The following CCDC73 variants were observed in gnomAD, a reference collection of about 807,000 sequenced individuals.
CCDC73 encodes coiled-coil domain containing 73, also known as coiled-coil domain-containing protein 73.
In CCDC73, 95 loss-of-function variants were observed where a neutral mutation model predicts 116.5. The observed-to-expected ratio is 0.82, with a 90% CI of 0.69 to 0.97. CCDC73 has a LOEUF of 0.97. CCDC73 is among the 50% of genes least tolerant of loss of function. The probability of loss-of-function intolerance (pLI) is 0.00; values close to 1 mark genes in which losing one functional copy is unlikely to be tolerated. For missense variants in CCDC73, 1,066 were observed against 1,206.8 expected, an observed-to-expected ratio of 0.88 and a Z score of 1.73; for synonymous variants, 398 against 401.3, an observed-to-expected ratio of 0.99 and a Z score of 0.10.
At chr11:32,718,027 T>C in intron 3 of CCDC73, 49 bp downstream of exon 3, 1 of 1,324,164 alleles carries the variant, frequency 7.6e-7, no homozygotes, top group Non-Finnish European at 1.1e-6. Context: ...GGGATTACAA[T>C]TCAAGATGAG....
At chr11:32,604,943 C>T (rs1855327717) in intron 17 of CCDC73, 1 of 152,230 alleles carries the variant, frequency 6.6e-6, no homozygotes, top group Admixed American at 6.5e-5. Flanking sequence ...ACCTCCACCT[C>T]CCAGGTTCAA....
At chr11:32,642,180 A>C in intron 12 of CCDC73, 98 bp from the exon 13 acceptor site, 1 of 1,250,274 alleles carries the variant, frequency 8.0e-7, no homozygotes, top group Non-Finnish European at 1.0e-6. Context: ...ACATGCTGAA[A>C]GTGCCATACA....
chr11:32,796,621 G>A (rs567772518), upstream of CCDC73, among the ~76,000 whole-genome samples: 102 of 152,272 alleles, frequency 6.7e-4, no homozygotes, highest in Middle Eastern at 3.4e-3. Context: ...CACGATTCAT[G>A]TTGAAACTTA....
chr11:32,815,860 T>A, the CCDC73 span, among the ~76,000 whole-genome samples: 2 of 152,340 alleles, frequency 1.3e-5, no homozygotes, highest in South Asian at 4.1e-4. Context: ...CAGACAATCC[T>A]GCCCTTTTAG....
At position 32,635,710 on chromosome 11, in the gene CCDC73, C is replaced by G; in HGVS notation, c.1171G>C (p.Asp391His). 1 of 1,309,880 alleles carries G rather than the reference C, an allele frequency of 7.6e-7. No homozygotes were observed. Among genetic ancestry groups the G allele is most frequent in the South Asian group, 2.2e-5 (1 of 45,996 alleles). The allele number at this position is 1,309,880 out of a possible 1,614,324, so 81.1% of individuals were successfully genotyped here. A position where few individuals can be genotyped will look rare whatever the true frequency, so the allele number is the denominator to read the frequency against. ...KLCNQKTFEE[D>H]KKFQNVPEVN... is the part of the protein sequence containing the mutation. The stretch of plus-strand genomic sequence containing the variant: ...TTAAATTTTACCTGAAACTTTTTGT[C>G]TTCCTCAAATGTTTTTTGATTGCAT... The change falls in exon 14 of 18, where the codon GAC (aspartate) becomes CAC (histidine). Residue 391 changes from aspartate to histidine, a missense_variant. Transcript: ENST00000335185.
At chr11:32,764,683 T>C (rs1359813396) in intron 1 of CCDC73, among the ~76,000 whole-genome samples, 2 of 152,130 alleles carry the variant, frequency 1.3e-5, no homozygotes, top group Non-Finnish European at 1.5e-5. Context: ...AGACCATCGA[T>C]GCTAGGAAGA....
At chr11:32,654,127 G>A in intron 10 of CCDC73, 90 bp from the exon 11 acceptor site, 1 of 1,173,110 alleles carries the variant, frequency 8.5e-7, no homozygotes. Context: ...GGAGTGTTAT[G>A]ACCTATTCCT....
At position 32,722,486 on chromosome 11, in the gene CCDC73, G is replaced by A. The variant is rs186429029; in HGVS notation, c.136-4339C>T. 5.3e-5 allele frequency among the ~76,000 whole-genome samples: 8 copies of A among 152,166 alleles called. No individual in the cohort carries two copies. In the East Asian group the frequency reaches 1.5e-3, roughly 29 times the overall value. On this transcript the variant is annotated intron_variant, in intron 2 of 17. Coordinates refer to ENST00000335185, the MANE Select transcript of CCDC73 (RefSeq NM_001008391.4). ...AGAGGTGGACCCTATGACACATTTA[G>A]GGTTTTTCCAACATGGAAGAAGGGA...
chr11:32,764,007 G>T (rs1850417305), intron 1 of CCDC73, among the ~76,000 whole-genome samples: 1 of 152,296 alleles, frequency 6.6e-6, no homozygotes, highest in South Asian at 2.1e-4. Context: ...GAAACAAAGG[G>T]TATCAGTGAT....
chr11:32,762,234 TA>T (rs1175701493), intron 1 of CCDC73, among the ~76,000 whole-genome samples: 4 of 152,140 alleles, frequency 2.6e-5, no homozygotes, highest in African/African-American at 7.2e-5. Context: ...TAAAAATAAC[TA>T]AAAATTCTAA....
chr11:32,795,978 C>A (rs558497449), upstream of CCDC73, among the ~76,000 whole-genome samples: 6 of 152,280 alleles, frequency 3.9e-5, no homozygotes, highest in East Asian at 1.2e-3. Flanking sequence ...GCATGAGCCA[C>A]CGCAGCCGGC....
At chr11:32,661,106 G>A (rs1855918621) in intron 9 of CCDC73, among the ~76,000 whole-genome samples, 1 of 152,056 alleles carries the variant, frequency 6.6e-6, no homozygotes, top group Non-Finnish European at 1.5e-5. Context: ...TGGAGAAAGG[G>A]GAAGGCTGAA....
chr11:32,739,041 C>T (rs1850160506), intron 2 of CCDC73, among the ~76,000 whole-genome samples: 1 of 152,078 alleles, frequency 6.6e-6, no homozygotes, highest in African/African-American at 2.4e-5. Context: ...TATTCTGTTG[C>T]ATTGGTCTAT....
intron 11 of CCDC73, 47 bp from the exon 12 acceptor site, chr11:32,653,274 A>G (rs1277733566): frequency 8.3e-7 from 1 of 1,204,994 alleles, no homozygotes; most frequent in African/African-American, 1.5e-5. Context: ...TAAGATAGGT[A>G]TGTTTCTAAA....
At chr11:32,660,229 CA>C (rs11310092) in intron 9 of CCDC73, among the ~76,000 whole-genome samples, 17,382 of 66,208 alleles carry the variant, frequency 0.26, 764 homozygotes, top group Middle Eastern at 0.35. Context: ...TTCTCTCTAC[CA>C]AAAAAAAAAA....
At chr11:32,813,402 G>T in the CCDC73 span, among the ~76,000 whole-genome samples, 1 of 152,008 alleles carries the variant, frequency 6.6e-6, no homozygotes, top group Non-Finnish European at 1.5e-5. Flanking sequence ...GACAACAGGG[G>T]TGCATCACTA....
rs540664437 is a variant in CCDC73, at chr11:32,639,610, G to A, written c.1050+2362C>T. Among the ~76,000 whole-genome samples, 9 of 151,952 alleles carry A rather than the reference G, an allele frequency of 5.9e-5. No individual in the cohort carries two copies. In the East Asian group the frequency reaches 7.8e-4, roughly 13 times the overall value. ...ATTACAGGTGCCCACCACCACGCCC[G>A]GCTAATTTTTGTATTTTTAATAGAG... On this transcript the variant is annotated intron_variant, in intron 13 of 17. Coordinates refer to ENST00000335185, the MANE Select transcript of CCDC73 (RefSeq NM_001008391.4).
chr11:32,696,601 C>T (rs1856312951), intron 6 of CCDC73, among the ~76,000 whole-genome samples: 1 of 151,686 alleles, frequency 6.6e-6, no homozygotes, highest in Non-Finnish European at 1.5e-5. Flanking sequence ...CTAATTTTTG[C>T]ATATATATTT....
chr11:32,687,081 C>T (rs956050792), intron 6 of CCDC73, among the ~76,000 whole-genome samples: 2 of 152,126 alleles, frequency 1.3e-5, no homozygotes, highest in Non-Finnish European at 2.9e-5. Flanking sequence ...ATTAATTTTC[C>T]ATTTATTGAA....
Sources: allele counts gnomAD v4.1 joint callset (sites outside exome capture counted in the v4.1 genomes callset), GRCh38; gene constraint gnomAD v4.1.1; transcripts MANE v1.5; gene names NCBI Gene and HGNC (gene_info 2026-07-23, HGNC 2026-07-21).